Variants in RCAN2 observed in about 807,000 individuals in gnomAD.
RCAN2 encodes calcipressin-2.
Under a neutral mutation model 23.6 loss-of-function variants are expected in RCAN2, and 9 were observed. The ratio of observed to expected loss-of-function variants is 0.38; its 90% CI spans 0.23 to 0.67. The LOEUF is 0.67. Ranked by LOEUF, RCAN2 falls within the 30% of genes least tolerant of loss-of-function variation. The pLI is 0.51. For missense variants in RCAN2, 273 were observed against 302.3 expected (o/e 0.90, Z 0.72); for synonymous variants, 109 against 115.7 (o/e 0.94, Z 0.37).
chr6:46,349,262 G>T (rs116357565), intron 2 of RCAN2, among the ~76,000 whole-genome samples: 1,794 of 152,232 alleles, frequency 0.012, 27 homozygotes, highest in South Asian at 0.034. Context: ...TTTAAATCTA[G>T]AGGAGAGAAA....
At chr6:46,391,956 A>T (rs1447321892) in intron 2 of RCAN2, among the ~76,000 whole-genome samples, 2 of 152,174 alleles carry the variant, frequency 1.3e-5, no homozygotes, top group African/African-American at 2.4e-5. Flanking sequence ...CAATAGGCTA[A>T]ATAATAGGTC....
At chr6:46,225,295 C>G (rs1765624286) in intron 4 of RCAN2, among the ~76,000 whole-genome samples, 2 of 152,114 alleles carry the variant, frequency 1.3e-5, no homozygotes, top group Admixed American at 1.3e-4. Context: ...TGGGTATATA[C>G]CCAGTAATGG....
intron 2 of RCAN2, among the ~76,000 whole-genome samples, chr6:46,363,534 A>G (rs1344420612): frequency 6.6e-6 from 1 of 152,198 alleles, no homozygotes; most frequent in Non-Finnish European, 1.5e-5. Context: ...TTCTAAAGAC[A>G]TGAATAGGAA....
chr6:46,397,189 T>C (rs369625439), intron 2 of RCAN2, among the ~76,000 whole-genome samples: 14 of 152,308 alleles, frequency 9.2e-5, no homozygotes, highest in South Asian at 2.1e-4. Context: ...TGTGACTGTT[T>C]ATGTAACATT....
chr6:46,280,980 A>G lies in RCAN2; in HGVS notation c.226-32084T>C, dbSNP rs552076990. 8.3e-4 allele frequency among the ~76,000 whole-genome samples: 127 copies of G among 152,282 alleles called. No individual in the cohort carries two copies. The Middle Eastern group carries it at 0.01, about 12-fold the overall frequency. ...AAAGGCAATGTTAAAAATATTATCA[A>G]TCAGTACAGTTCTAGAGTACGCATT... On this transcript the variant is annotated intron_variant, in intron 2 of 4. Coordinates refer to ENST00000371374, the MANE Select transcript of RCAN2 (RefSeq NM_001251974.2).
rs2150312256 is a variant in RCAN2, at chr6:46,238,128, T to G, written c.571+8620A>C. Among the ~76,000 whole-genome samples the G allele has an allele frequency of 2.6e-5, 4 of 152,296 alleles. 1 individual carries two copies. In the South Asian group the frequency reaches 8.3e-4, roughly 32 times the overall value. ...GGACATGGGCCATGCAAATTCTCATTGTTCTTGTCTTCCCCTAGTTTTCTA... is the reference window on the plus strand; with the variant it reads ...GGACATGGGCCATGCAAATTCTCATGGTTCTTGTCTTCCCCTAGTTTTCTA... On this transcript the variant is annotated intron_variant, in intron 4 of 4. Transcript: ENST00000371374.
chr6:46,454,879 T>A (rs745556503), intron 2 of RCAN2, among the ~76,000 whole-genome samples: 16 of 152,216 alleles, frequency 1.1e-4, no homozygotes, highest in Non-Finnish European at 2.2e-4. Flanking sequence ...TCCTTCTATG[T>A]CCTCAGTTCT....
intron 1 of RCAN2, among the ~76,000 whole-genome samples, chr6:46,464,444 C>T (rs778497865): frequency 5.9e-5 from 9 of 152,012 alleles, no homozygotes; most frequent in Non-Finnish European, 1.0e-4. Flanking sequence ...TTGATTTGCC[C>T]TTTGGGTGTT....
intron 2 of RCAN2, among the ~76,000 whole-genome samples, chr6:46,413,849 T>C (rs1766621261): frequency 6.6e-6 from 1 of 152,226 alleles, no homozygotes; most frequent in Admixed American, 6.5e-5. Flanking sequence ...AGAGAAGTGC[T>C]ACCTAATATC....
intron 2 of RCAN2, among the ~76,000 whole-genome samples, chr6:46,392,536 A>C (rs979617245): frequency 6.6e-6 from 1 of 152,136 alleles, no homozygotes; most frequent in Non-Finnish European, 1.5e-5. Flanking sequence ...CCTAACACTT[A>C]ATGGAGGATG....
chr6:46,482,268 C>A (rs1328887993), intron 1 of RCAN2, among the ~76,000 whole-genome samples: 3 of 151,836 alleles, frequency 2.0e-5, no homozygotes, highest in Admixed American at 6.6e-5. Context: ...ATTTAATATG[C>A]TTTAGCTATG....
chr6:46,393,080 C>A (rs1000772559), intron 2 of RCAN2, among the ~76,000 whole-genome samples: 2 of 152,156 alleles, frequency 1.3e-5, no homozygotes, highest in African/African-American at 4.8e-5. Context: ...ATTGGCCTTA[C>A]TTTTAAAATT....
chr6:46,491,016 A>ACCGCCCCCGCCCCCGCCC (rs1280186467), intron 1 of RCAN2, among the ~76,000 whole-genome samples, 157 bp downstream of exon 1: 30 of 130,120 alleles, frequency 2.3e-4, no homozygotes, highest in African/African-American at 9.1e-4. Context: ...CACCCCCGCC[A>ACCGCCCCCGCCCCCGCCC]CCGCCCCCGC....
chr6:46,339,944 T>TAATGTG (rs1234391078), intron 2 of RCAN2, among the ~76,000 whole-genome samples: 2 of 152,154 alleles, frequency 1.3e-5, no homozygotes, highest in African/African-American at 4.8e-5. Context: ...TTCACATACA[T>TAATGTG]AATGTACATG....
intron 2 of RCAN2, among the ~76,000 whole-genome samples, chr6:46,264,945 T>G (rs924496457): frequency 6.6e-6 from 1 of 152,214 alleles, no homozygotes; most frequent in Admixed American, 6.5e-5. Context: ...TTAAACGATC[T>G]GCCTAAGGTG....
intron 2 of RCAN2, among the ~76,000 whole-genome samples, chr6:46,287,309 C>G (rs1223719549): frequency 6.6e-6 from 1 of 152,228 alleles, no homozygotes; most frequent in African/African-American, 2.4e-5. Flanking sequence ...CAAAGGAGAA[C>G]TTGGTCTCCA....
intron 4 of RCAN2, among the ~76,000 whole-genome samples, chr6:46,241,198 A>G (rs1415097483): frequency 1.3e-5 from 2 of 152,192 alleles, no homozygotes; most frequent in Admixed American, 6.5e-5. Flanking sequence ...CTATTTTGCC[A>G]GGCTGGGTTT....
At chr6:46,363,977 A>C (rs1202645198) in intron 2 of RCAN2, among the ~76,000 whole-genome samples, 2 of 152,226 alleles carry the variant, frequency 1.3e-5, no homozygotes, top group Non-Finnish European at 2.9e-5. Flanking sequence ...GTAGGGTAGG[A>C]ATACAAATTG....
chr6:46,293,198 T>C (rs1203894814), intron 2 of RCAN2, among the ~76,000 whole-genome samples: 1 of 152,210 alleles, frequency 6.6e-6, no homozygotes, highest in Non-Finnish European at 1.5e-5. Context: ...TGTGCATGTG[T>C]CTTTATAGTA....
Sources: gnomAD v4.1 joint callset for allele counts (sites outside exome capture counted in the v4.1 genomes callset) on GRCh38, gnomAD v4.1.1 for gene constraint, MANE v1.5 for transcripts, NCBI Gene and HGNC (gene_info 2026-07-23, HGNC 2026-07-21) for gene names.